KIAA0513: variants seen among roughly 807,000 people sequenced by gnomAD.
KIAA0513 encodes the protein uncharacterized protein KIAA0513.
A neutral mutation model predicts 56.5 loss-of-function variants in KIAA0513; 39 were observed. The observed-to-expected ratio is 0.69, with a 90% CI of 0.53 to 0.90. The LOEUF is 0.90. Ranked by LOEUF, KIAA0513 falls within the 40% of genes least tolerant of loss-of-function variation. KIAA0513 has a pLI of 0.00. For synonymous variants in KIAA0513, 268 were observed against 215.6 expected (o/e 1.24, Z -2.13); for missense variants, 591 against 535.2 (o/e 1.10, Z -1.03).
chr16:85,090,162 G>C lies in KIAA0513; in HGVS notation c.*1837G>C, dbSNP rs899750145. The C allele has an allele frequency of 2.6e-5, 4 of 151,528 alleles. No individual in the cohort carries two copies. The highest frequency in any genetic ancestry group is 9.7e-5 in the African/African-American group (4 of 41,048). 9.4% of individuals were successfully genotyped at this position (151,528 alleles called of 1,614,324 possible). ...AGAAATGTCAGAGCGAGGGTTGTGTGGACACCCCTCGCTCTGATGCCAACT... is the reference window on the plus strand; with the variant it reads ...AGAAATGTCAGAGCGAGGGTTGTGTCGACACCCCTCGCTCTGATGCCAACT... On this transcript the variant is annotated 3_prime_UTR_variant, in exon 13 of 13. Coordinates refer to ENST00000683363, the MANE Select transcript of KIAA0513 (RefSeq NM_001388359.1).
At chr16:85,084,210 C>T (rs374154053) in intron 10 of KIAA0513, among the ~76,000 whole-genome samples, 33 of 151,124 alleles carry the variant, frequency 2.2e-4, no homozygotes, top group South Asian at 8.4e-4. Context: ...TACAAGTGCC[C>T]GCCACCATGC....
chr16:85,082,603 T>G lies in KIAA0513; in HGVS notation c.1010+10T>G. On this transcript the variant is annotated intron_variant, in intron 10 of 12. Coordinates refer to ENST00000683363, the MANE Select transcript of KIAA0513 (RefSeq NM_001388359.1). The stretch of plus-strand genomic sequence containing the variant: ...AGGAGGAGGAGAAGAGGTGTGTGTG[T>G]CCACGTGACTTTGTTCCATTTTACA... The G allele has an allele frequency of 6.2e-7, 1 of 1,614,030 alleles. No homozygotes were observed. The highest frequency in any genetic ancestry group is 8.5e-7 in the Non-Finnish European group (1 of 1,179,922).
intron 1 of KIAA0513, among the ~76,000 whole-genome samples, chr16:85,030,808 C>A (rs1268601747): frequency 1.3e-5 from 2 of 151,416 alleles, no homozygotes; most frequent in Non-Finnish European, 1.5e-5. Context: ...AAGTTTTAAT[C>A]CCACTTTCTA....
At position 85,092,872 on chromosome 16, in the gene KIAA0513, A is replaced by G. The variant is rs565436276; in HGVS notation, c.*4547A>G. 25 of 152,430 alleles carry G rather than the reference A, an allele frequency of 1.6e-4. No homozygotes were observed. Among genetic ancestry groups the G allele is most frequent in the African/African-American group, 6.0e-4 (25 of 41,566 alleles). 9.4% of individuals were successfully genotyped at this position (152,430 alleles called of 1,614,324 possible). On this transcript the variant is annotated 3_prime_UTR_variant, in exon 13 of 13. Coordinates refer to ENST00000683363, the MANE Select transcript of KIAA0513 (RefSeq NM_001388359.1). ...TTGCTGCCGCGGGCCAGGAACAGGA[A>G]TGTGTTGGTGCCTGAGACACCAAAT...
intron 1 of KIAA0513, among the ~76,000 whole-genome samples, chr16:85,042,277 C>T (rs560277808): frequency 6.6e-6 from 1 of 152,182 alleles, no homozygotes; most frequent in Non-Finnish European, 1.5e-5. Flanking sequence ...GATGGGATAT[C>T]AAATTGCTAA....
chr16:85,053,789 C>G (rs976468510), intron 1 of KIAA0513, among the ~76,000 whole-genome samples: 1 of 152,020 alleles, frequency 6.6e-6, no homozygotes, highest in African/African-American at 2.4e-5. Flanking sequence ...GTCAAAAGAT[C>G]AAGACCATTC....
chr16:85,071,790 T>C lies in KIAA0513; in HGVS notation c.337T>C (p.Leu113=). ...CTTTTTTTTTTTTTTTAGGGAGGAC[T>C]TGGATCAGGAGGAGAAAGCCAAGTT... ...VEKIFSGGED[L]DQEEKAKFGE... The change falls in exon 3 of 13, where the codon TTG becomes CTG. Residue 113 remains leucine (L), a synonymous_variant. Coordinates refer to ENST00000683363, the MANE Select transcript of KIAA0513 (RefSeq NM_001388359.1). 1 of 1,572,762 alleles carries C rather than the reference T, an allele frequency of 6.4e-7. No individual in the cohort carries two copies. Among genetic ancestry groups the C allele is most frequent in the Non-Finnish European group, 8.7e-7 (1 of 1,154,050 alleles).
intron 1 of KIAA0513, among the ~76,000 whole-genome samples, chr16:85,037,520 A>G (rs7201736): frequency 0.4 from 61,246 of 152,002 alleles, 13,750 homozygotes; most frequent in African/African-American, 0.61. Flanking sequence ...CCATATGTCA[A>G]TGTCAAACCT....
intron 1 of KIAA0513, among the ~76,000 whole-genome samples, chr16:85,064,632 T>A (rs893732324): frequency 2.0e-5 from 3 of 152,236 alleles, no homozygotes; most frequent in Non-Finnish European, 4.4e-5. Flanking sequence ...ATTTGCATAT[T>A]TATATCGTGG....
chr16:85,041,921 C>T (rs542224761), intron 1 of KIAA0513, among the ~76,000 whole-genome samples: 8 of 152,306 alleles, frequency 5.3e-5, no homozygotes, highest in East Asian at 1.9e-4. Flanking sequence ...AAACGATTCC[C>T]GGGATTCCGA....
Position 85,066,953 on chromosome 16 carries a change from G to C in KIAA0513, c.-119G>C, listed in dbSNP as rs978434499. On this transcript the variant is annotated 5_prime_UTR_variant, in exon 2 of 13. Transcript: ENST00000683363. The stretch of plus-strand genomic sequence containing the variant: ...AAGGACTCATTCTTGGTAGCCGGCA[G>C]TTACTGGCAACTTGTGAGCTTGGTG... 4.7e-5 allele frequency: 38 copies of C among 800,274 alleles called. No homozygotes were observed. In the Admixed American group the frequency reaches 1.1e-3, roughly 22 times the overall value. 49.6% of individuals were successfully genotyped at this position (800,274 alleles called of 1,614,324 possible).
chr16:85,086,500 C>A, intron 10 of KIAA0513, 144 bp from the exon 11 acceptor site: 1 of 754,386 alleles, frequency 1.3e-6, no homozygotes. Context: ...CAGCACACGG[C>A]TCTCCGGTGG....
Position 85,047,514 on chromosome 16 carries a change from C to A in KIAA0513, c.-172-19386C>A, listed in dbSNP as rs141834112. Among the ~76,000 whole-genome samples, 529 of 152,326 alleles carry A rather than the reference C, an allele frequency of 3.5e-3. 2 individuals are homozygous for A. Among genetic ancestry groups the A allele is most frequent in the African/African-American group, 0.012 (503 of 41,562 alleles). ...AGAGGACACGGAGAAAAAAAGCCAG[C>A]GGGTTTTTCACCCTCTTTGGACCAC... On this transcript the variant is annotated intron_variant, in intron 1 of 12. Coordinates refer to ENST00000683363, the MANE Select transcript of KIAA0513 (RefSeq NM_001388359.1).
intron 2 of KIAA0513, among the ~76,000 whole-genome samples, chr16:85,070,791 T>C (rs144827862): frequency 6.6e-6 from 1 of 152,358 alleles, no homozygotes; most frequent in African/African-American, 2.4e-5. Context: ...GGGTGCGCTT[T>C]CTCTGAGCAC....
intron 1 of KIAA0513, among the ~76,000 whole-genome samples, chr16:85,059,364 T>G (rs12926648): frequency 6.6e-6 from 1 of 152,216 alleles, no homozygotes; most frequent in African/African-American, 2.4e-5. Context: ...GAACCACAAC[T>G]CTAGGTTAAA....
chr16:85,043,954 C>T (rs911943125), intron 1 of KIAA0513, among the ~76,000 whole-genome samples: 3 of 152,256 alleles, frequency 2.0e-5, no homozygotes, highest in Admixed American at 6.5e-5. Flanking sequence ...ATCTTGAACC[C>T]GGGAAGCGGA....
In KIAA0513 at chr16:85,094,058, C is replaced by G. The variant is rs2073897844; in HGVS notation, c.*5733C>G. The G allele has an allele frequency of 6.6e-6, 1 of 152,076 alleles. No homozygotes were observed. Among genetic ancestry groups the G allele is most frequent in the Admixed American group, 6.6e-5 (1 of 15,258 alleles). The allele number at this position is 152,076 out of a possible 1,614,324, so 9.4% of individuals were successfully genotyped here. ...TGTTGCATTTTTGCAATCTTGTGTCCCGCTCGGTGATGTTCTACAAACTCT... is the reference window on the plus strand; with the variant it reads ...TGTTGCATTTTTGCAATCTTGTGTCGCGCTCGGTGATGTTCTACAAACTCT... On this transcript the variant is annotated 3_prime_UTR_variant, in exon 13 of 13. Coordinates refer to ENST00000683363, the MANE Select transcript of KIAA0513 (RefSeq NM_001388359.1).
At position 85,067,399 on chromosome 16, in the gene KIAA0513, G is replaced by T; in HGVS notation, c.328G>T (p.Gly110Trp). The stretch of plus-strand genomic sequence containing the variant: ...CTACGTGGAGAAGATCTTCTCTGGA[G>T]GGTAAGGGGCCTGTGTGGACGAGAC... The part of the protein sequence containing the change: ...RGYVEKIFSG[G>W]EDLDQEEKAK... Residue 110 changes from glycine (G) to tryptophan (W), a missense_variant and splice_region_variant, in exon 2 of 13, where the codon GGG becomes TGG. Gly to Trp is a radical substitution (Grantham distance 184). Coordinates refer to ENST00000683363, the MANE Select transcript of KIAA0513 (RefSeq NM_001388359.1). 2 of 1,596,974 alleles carry T rather than the reference G, an allele frequency of 1.3e-6. No individual in the cohort carries two copies. The highest frequency in any genetic ancestry group is 1.7e-5 in the Admixed American group (1 of 59,800).
At chr16:85,050,919 G>T (rs2073244349) in intron 1 of KIAA0513, among the ~76,000 whole-genome samples, 1 of 152,182 alleles carries the variant, frequency 6.6e-6, no homozygotes, top group South Asian at 2.1e-4. Flanking sequence ...ACTTCAGGGA[G>T]CCAAGGCGGC....
Sources: gnomAD v4.1 joint callset for allele counts (sites outside exome capture counted in the v4.1 genomes callset) on GRCh38, gnomAD v4.1.1 for gene constraint, MANE v1.5 for transcripts, NCBI Gene and HGNC (gene_info 2026-07-23, HGNC 2026-07-21) for gene names.